Variants in TOP6BL observed in about 807,000 individuals in gnomAD.
TOP6BL encodes TOP6B like initiator of meiotic double strand breaks.
chr11:66,748,310 T>C, the TOP6BL span: 1 of 1,231,846 alleles, frequency 8.1e-7, no homozygotes, highest in South Asian at 1.6e-5. Context: ...TTTAACTGGG[T>C]CATAGAGATG....
the TOP6BL span, among the ~76,000 whole-genome samples, chr11:66,777,867 A>G: frequency 6.6e-6 from 1 of 152,104 alleles, no homozygotes; most frequent in Non-Finnish European, 1.5e-5. Context: ...GCAAGACTCC[A>G]TCCCCCCAAA....
chr11:66,780,317 G>A, the TOP6BL span, among the ~76,000 whole-genome samples: 15 of 152,052 alleles, frequency 9.9e-5, no homozygotes, highest in African/African-American at 3.4e-4. Flanking sequence ...GAAAAAAATA[G>A]TCTTTTATAT....
chr11:66,827,966 GAAAAAAAAAAAAAA>G, the TOP6BL span, among the ~76,000 whole-genome samples: 3 of 30,120 alleles, frequency 1.0e-4, no homozygotes, highest in South Asian at 1.6e-3. Flanking sequence ...CTCTGTCTCA[GAAAAAAAAAAAAAA>G]AAAAAAAAAA....
chr11:66,774,435 T>A, the TOP6BL span, among the ~76,000 whole-genome samples: 1 of 151,952 alleles, frequency 6.6e-6, no homozygotes, highest in Non-Finnish European at 1.5e-5. Flanking sequence ...TTCAGAATCG[T>A]CTTTGGTGTT....
chr11:66,828,291 C>T, the TOP6BL span: 2 of 1,613,740 alleles, frequency 1.2e-6, no homozygotes, highest in Non-Finnish European at 1.7e-6. Context: ...GAGTTCAGGA[C>T]CAAACTGCAC....
the TOP6BL span, among the ~76,000 whole-genome samples, chr11:66,817,444 G>A: frequency 6.6e-6 from 1 of 151,788 alleles, no homozygotes; most frequent in African/African-American, 2.4e-5. Context: ...TGATGATGAT[G>A]ATGATGATTT....
chr11:66,814,741 GCTTCATAA>G, the TOP6BL span, among the ~76,000 whole-genome samples: 1 of 152,162 alleles, frequency 6.6e-6, no homozygotes, highest in Non-Finnish European at 1.5e-5. Context: ...GAAGAGAAAT[GCTTCATAA>G]TGAACTGAGA....
At chr11:66,761,389 A>G in the TOP6BL span, among the ~76,000 whole-genome samples, 6 of 152,208 alleles carry the variant, frequency 3.9e-5, no homozygotes, top group Non-Finnish European at 8.8e-5. Context: ...AAAGAAAAAA[A>G]GATAAAAAGG....
At chr11:66,804,201 G>A in the TOP6BL span, 3 of 1,587,258 alleles carry the variant, frequency 1.9e-6, no homozygotes, top group Non-Finnish European at 2.6e-6. Context: ...ATATCCTTTT[G>A]ATGAAAAGTT....
the TOP6BL span, among the ~76,000 whole-genome samples, chr11:66,768,668 GTTT>G: frequency 8.7e-6 from 1 of 115,454 alleles, no homozygotes. Flanking sequence ...TTTGTTTTTT[GTTT>G]TTTTTTTTTT....
chr11:66,820,810 C>T, the TOP6BL span, among the ~76,000 whole-genome samples: 8 of 152,132 alleles, frequency 5.3e-5, 1 homozygote, highest in Admixed American at 5.2e-4. Context: ...TAAACAGGAT[C>T]CCTTATTTGT....
chr11:66,758,890 T>C, the TOP6BL span, among the ~76,000 whole-genome samples: 2 of 152,220 alleles, frequency 1.3e-5, no homozygotes, highest in East Asian at 3.8e-4. Context: ...ATTATAGTAT[T>C]TCTTTGATGT....
the TOP6BL span, chr11:66,800,982 T>C: frequency 6.3e-7 from 1 of 1,592,248 alleles, no homozygotes; most frequent in Non-Finnish European, 8.6e-7. Flanking sequence ...CAAACAGAGA[T>C]TGATTTTAGA....
chr11:66,775,951 C>T, the TOP6BL span, among the ~76,000 whole-genome samples: 1 of 151,898 alleles, frequency 6.6e-6, no homozygotes, highest in Non-Finnish European at 1.5e-5. Flanking sequence ...GAATTCATCC[C>T]TTATTAATTT....
At chr11:66,744,844 G>T in the TOP6BL span, 2 of 1,319,596 alleles carry the variant, frequency 1.5e-6, no homozygotes, top group African/African-American at 1.5e-5. Context: ...CGGCGGCGGC[G>T]GGCGGGTACC....
chr11:66,744,952 A>G, the TOP6BL span: 1 of 1,247,240 alleles, frequency 8.0e-7, no homozygotes, highest in Non-Finnish European at 1.0e-6. Context: ...AGCGGAGGAC[A>G]CTTTCTGAGG....
At chr11:66,769,447 CT>C in the TOP6BL span, among the ~76,000 whole-genome samples, 3 of 145,916 alleles carry the variant, frequency 2.1e-5, no homozygotes, top group Non-Finnish European at 3.0e-5. Context: ...TCAATTATAC[CT>C]AAAAAAAAAA....
the TOP6BL span, among the ~76,000 whole-genome samples, chr11:66,749,733 G>T: frequency 6.6e-6 from 1 of 151,746 alleles, no homozygotes; most frequent in Admixed American, 6.6e-5. Flanking sequence ...GGCTAATTTT[G>T]TGTGTGTGTG....
chr11:66,778,869 A>G, the TOP6BL span, among the ~76,000 whole-genome samples: 10 of 152,320 alleles, frequency 6.6e-5, no homozygotes, highest in South Asian at 1.9e-3. Flanking sequence ...CATATCTACA[A>G]CTATCTGATC....
Sources: gnomAD v4.1 joint callset for allele counts (sites outside exome capture counted in the v4.1 genomes callset) on GRCh38, gnomAD v4.1.1 for gene constraint, MANE v1.5 for transcripts, NCBI Gene and HGNC (gene_info 2026-07-23, HGNC 2026-07-21) for gene names.